RAB3C: variants seen among roughly 807,000 people sequenced by gnomAD.
RAB3C encodes RAB3C, member RAS oncogene family.
In RAB3C, 17 loss-of-function variants were observed where a neutral mutation model predicts 26.4. The observed-to-expected ratio is 0.64, with a 90% confidence interval of 0.44 to 0.97. The LOEUF (loss-of-function observed/expected upper bound fraction) is 0.97, where lower values mean the gene tolerates loss of function less well. Among genes scored for constraint, RAB3C ranks in the 50% least tolerant of loss-of-function variants. The pLI is 0.00. For synonymous variants in RAB3C, 91 were observed against 95.9 expected (o/e 0.95, Z 0.30); for missense variants, 242 against 281.9 (o/e 0.86, Z 1.01).
intron 2 of RAB3C, among the ~76,000 whole-genome samples, chr5:58,715,130 G>A (rs760659244): frequency 3.6e-4 from 55 of 151,816 alleles, no homozygotes; most frequent in Admixed American, 3.3e-4. Context: ...CAGAATCTAA[G>A]TTTCCTGGCT....
chr5:58,693,659 C>T (rs944742422), intron 2 of RAB3C, among the ~76,000 whole-genome samples: 3 of 152,138 alleles, frequency 2.0e-5, no homozygotes, highest in African/African-American at 4.8e-5. Flanking sequence ...CAACATAAAT[C>T]GCCCCACACA....
chr5:58,775,075 A>T (rs1742098164), intron 3 of RAB3C, among the ~76,000 whole-genome samples: 1 of 152,098 alleles, frequency 6.6e-6, no homozygotes, highest in Non-Finnish European at 1.5e-5. Context: ...GTGGAGGAAG[A>T]AGTGGGAACC....
chr5:58,733,834 C>A (rs1176030887), intron 3 of RAB3C, among the ~76,000 whole-genome samples: 2 of 152,190 alleles, frequency 1.3e-5, no homozygotes, highest in Non-Finnish European at 1.5e-5. Flanking sequence ...GGGTCTGCAC[C>A]TATTGCAGTG....
intron 2 of RAB3C, among the ~76,000 whole-genome samples, chr5:58,683,888 T>TA (rs2111845551): frequency 6.6e-6 from 1 of 152,316 alleles, no homozygotes; most frequent in South Asian, 2.1e-4. Flanking sequence ...AATCTAATGG[T>TA]ACCAAAGCAC....
intron 3 of RAB3C, among the ~76,000 whole-genome samples, chr5:58,751,004 G>A (rs969099186): frequency 6.6e-6 from 1 of 151,990 alleles, no homozygotes; most frequent in African/African-American, 2.4e-5. Flanking sequence ...ACAGGTGCCC[G>A]TCACCACACC....
At chr5:58,824,730 C>T (rs1200760633) in intron 3 of RAB3C, among the ~76,000 whole-genome samples, 1 of 152,140 alleles carries the variant, frequency 6.6e-6, no homozygotes, top group Non-Finnish European at 1.5e-5. Flanking sequence ...GGCTATCCTA[C>T]TGTAAAGCTA....
chr5:58,833,678 G>A (rs1265325224), intron 4 of RAB3C, among the ~76,000 whole-genome samples: 1 of 152,204 alleles, frequency 6.6e-6, no homozygotes, highest in Non-Finnish European at 1.5e-5. Flanking sequence ...AAAAGTCAGA[G>A]AGTAGAGAGT....
intron 2 of RAB3C, among the ~76,000 whole-genome samples, chr5:58,683,208 G>C (rs181043823): frequency 1.5e-3 from 227 of 152,226 alleles, no homozygotes; most frequent in African/African-American, 5.2e-3. Context: ...ATTAGCTACA[G>C]AAAAGCCTAG....
chr5:58,739,206 C>T, intron 3 of RAB3C, among the ~76,000 whole-genome samples: 1 of 152,208 alleles, frequency 6.6e-6, no homozygotes, highest in East Asian at 1.9e-4. Flanking sequence ...CCAATGTGTT[C>T]AGTACCTCAT....
intron 3 of RAB3C, among the ~76,000 whole-genome samples, chr5:58,730,168 T>C (rs1740984760): frequency 6.6e-6 from 1 of 151,872 alleles, no homozygotes; most frequent in African/African-American, 2.4e-5. Flanking sequence ...CTTAAGTTCC[T>C]ACTACATTAG....
rs991392422 is a variant in RAB3C at position 58,810,285 on chromosome 5, G to C, written c.372-14753G>C. ...GGGAGGGCAAGAAACATATTCAAGA[G>C]CAAACAAATGACAGGCACACCTTGA... On this transcript the variant is annotated intron_variant, in intron 3 of 4. Coordinates refer to ENST00000282878, the MANE Select transcript of RAB3C (RefSeq NM_138453.4). Among the ~76,000 whole-genome samples, 40 of 152,004 alleles carry C rather than the reference G, an allele frequency of 2.6e-4. 2 individuals carry two copies. The highest frequency in any genetic ancestry group is 8.8e-5 in the Non-Finnish European group (6 of 68,018).
intron 3 of RAB3C, among the ~76,000 whole-genome samples, chr5:58,771,919 C>T (rs1294568289): frequency 1.3e-5 from 2 of 149,844 alleles, no homozygotes. Flanking sequence ...AGGCTAAGCA[C>T]TACAATCTCA....
At chr5:58,770,762 A>T (rs950427596) in intron 3 of RAB3C, among the ~76,000 whole-genome samples, 4 of 152,274 alleles carry the variant, frequency 2.6e-5, no homozygotes, top group African/African-American at 9.6e-5. Context: ...ATTAATTATC[A>T]TAATTAGTCA....
chr5:58,826,842 C>T (rs2112061574), intron 4 of RAB3C, among the ~76,000 whole-genome samples: 1 of 152,288 alleles, frequency 6.6e-6, no homozygotes, highest in South Asian at 2.1e-4. Context: ...CAACATGAGT[C>T]AGAAAAGCAA....
At chr5:58,615,651 G>T (rs1331800924) in intron 1 of RAB3C, among the ~76,000 whole-genome samples, 1 of 152,098 alleles carries the variant, frequency 6.6e-6, no homozygotes, top group East Asian at 1.9e-4. Flanking sequence ...AGAAAGTGAT[G>T]CTATCTGCCT....
At chr5:58,603,542 A>T (rs192074692) in intron 1 of RAB3C, among the ~76,000 whole-genome samples, 20 of 152,234 alleles carry the variant, frequency 1.3e-4, no homozygotes, top group Middle Eastern at 3.4e-3. Flanking sequence ...GATTGGGTTA[A>T]TTCAAAGACC....
chr5:58,849,763 G>T (rs756204475), intron 4 of RAB3C, among the ~76,000 whole-genome samples: 1 of 152,172 alleles, frequency 6.6e-6, no homozygotes, highest in Non-Finnish European at 1.5e-5. Flanking sequence ...ATAGTATAAC[G>T]ACTAAGTTGG....
chr5:58,851,498 G>A lies in RAB3C; in HGVS notation c.*147G>A, dbSNP rs1744115014. 4 of 563,054 alleles carry A rather than the reference G, an allele frequency of 7.1e-6. No homozygotes were observed. The South Asian group carries it at 1.9e-4, about 27-fold the overall frequency. The allele number at this position is 563,054 out of a possible 1,614,324, so 34.9% of individuals were successfully genotyped here. A position where few individuals can be genotyped will look rare whatever the true frequency, so the allele number is the denominator to read the frequency against. On this transcript the variant is annotated 3_prime_UTR_variant, in exon 5 of 5. Transcript: ENST00000282878. ...ATGGCTCGTACGCATTCAATTCTTG[G>A]GAGCTTTCCTGTTTAATATGTGGCA...
At chr5:58,725,059 G>A (rs1031295819) in intron 2 of RAB3C, among the ~76,000 whole-genome samples, 5 of 151,810 alleles carry the variant, frequency 3.3e-5, no homozygotes, top group African/African-American at 1.2e-4. Flanking sequence ...TCTTCTTTTT[G>A]CATATTAATG....
Sources: gnomAD v4.1 joint callset for allele counts (sites outside exome capture counted in the v4.1 genomes callset) on GRCh38, gnomAD v4.1.1 for gene constraint, MANE v1.5 for transcripts, NCBI Gene and HGNC (gene_info 2026-07-23, HGNC 2026-07-21) for gene names.